The following NUDT9 variants were observed in gnomAD, a reference collection of about 807,000 sequenced individuals.
The protein encoded by NUDT9 is nudix hydrolase 9, also known as ADP-ribose pyrophosphatase.
NUDT9 carries 31 observed loss-of-function variants against 41.0 expected under a neutral mutation model. That is an observed-to-expected ratio of 0.76 (90% CI 0.57 to 1.02). NUDT9 has a LOEUF of 1.02. Among genes scored for constraint, NUDT9 ranks in the 50% least tolerant of loss-of-function variants. The pLI, the probability that NUDT9 is intolerant of heterozygous loss-of-function variation, is 0.00. For synonymous variants in NUDT9, 146 were observed against 147.6 expected, an observed-to-expected ratio of 0.99 and a Z score of 0.08; for missense variants, 380 against 431.4, an observed-to-expected ratio of 0.88 and a Z score of 1.06.
chr4:87,452,984 G>A (rs747405514), intron 6 of NUDT9, among the ~76,000 whole-genome samples: 9 of 151,370 alleles, frequency 5.9e-5, no homozygotes, highest in Non-Finnish European at 1.2e-4. Flanking sequence ...ACTAATTTTT[G>A]TATTTTTAGT....
chr4:87,454,880 A>T (rs1722919212), intron 7 of NUDT9, among the ~76,000 whole-genome samples: 1 of 152,256 alleles, frequency 6.6e-6, no homozygotes, highest in African/African-American at 2.4e-5. Context: ...GTTAATACAC[A>T]AAGCAATAAC....
rs76684788 is a variant in NUDT9, at chr4:87,441,955, A to C, written c.530+40A>C. On this transcript the variant is annotated intron_variant, in intron 4 of 7. Coordinates refer to ENST00000302174, the MANE Select transcript of NUDT9 (RefSeq NM_024047.5). Reference sequence around the variant, plus strand: ...AAAGCATATCAGTAGCAAAGAGCTAAGTGATAGAAAAATTGCAGACTGTAG... The same window carrying C: ...AAAGCATATCAGTAGCAAAGAGCTACGTGATAGAAAAATTGCAGACTGTAG... 2,701 of 1,456,254 alleles carry C rather than the reference A, an allele frequency of 1.9e-3. 67 individuals carry two copies. The East Asian group carries it at 0.047, about 25-fold the overall frequency. The allele number at this position is 1,456,254 out of a possible 1,614,324, so 90.2% of individuals were successfully genotyped here.
At chr4:87,451,841 C>A in intron 6 of NUDT9, 106 bp downstream of exon 6, 1 of 876,478 alleles carries the variant, frequency 1.1e-6, no homozygotes, top group Non-Finnish European at 1.7e-6. Flanking sequence ...AAGTGGAATA[C>A]TTGTATATTT....
chr4:87,438,153 A>C (rs1343339991), intron 2 of NUDT9, 124 bp from the exon 3 acceptor site: 3 of 486,036 alleles, frequency 6.2e-6, no homozygotes, highest in African/African-American at 4.0e-5. Context: ...AAAAAAAAAA[A>C]CTAACCCTTA....
Position 87,422,816 on chromosome 4 carries a change from C to T in NUDT9, c.-90C>T, listed in dbSNP as rs1052174886. 1 of 951,136 alleles carries T rather than the reference C, an allele frequency of 1.1e-6. No individual in the cohort carries two copies. The highest frequency in any genetic ancestry group is 1.6e-6 in the Non-Finnish European group (1 of 623,156). 58.9% of individuals were successfully genotyped at this position (951,136 alleles called of 1,614,324 possible). A position where few individuals can be genotyped will look rare whatever the true frequency, so the allele number is the denominator to read the frequency against. ...CAGGTCCTAGTGCCCATCAGATACC[C>T]GCGGCCGGGACTCGGAGCTGTGGGG... is the stretch of plus-strand genomic sequence containing the variant. On this transcript the variant is annotated 5_prime_UTR_variant, in exon 1 of 8. Coordinates refer to ENST00000302174, the MANE Select transcript of NUDT9 (RefSeq NM_024047.5).
At position 87,444,875 on chromosome 4, in the gene NUDT9, A is replaced by C. The variant is rs561987635; in HGVS notation, c.530+2960A>C. 2.2e-4 allele frequency among the ~76,000 whole-genome samples: 34 copies of C among 152,316 alleles called. No homozygotes were observed. In the South Asian group the frequency reaches 7.0e-3, roughly 32 times the overall value. ...CACAGGTGGCAGAGTCTGGCTTTCA[A>C]CTGTACTCTTAAGTTGATGTTCTTT... On this transcript the variant is annotated intron_variant, in intron 4 of 7. Transcript: ENST00000302174.
Position 87,423,013 on chromosome 4 carries a change from G to A in NUDT9, c.107+1G>A. On this transcript the variant is annotated splice_donor_variant, in intron 1 of 7. Coordinates refer to ENST00000302174, the MANE Select transcript of NUDT9 (RefSeq NM_024047.5). LOFTEE classifies it high-confidence loss of function. ...GCTGCCGCGGCATCCAGGCGTTCAG[G>A]TATTCCACCCTCCTACTACCGGCTC... The A allele has an allele frequency of 6.2e-7, 1 of 1,611,412 alleles. No homozygotes were observed. Among genetic ancestry groups the A allele is most frequent in the South Asian group, 1.1e-5 (1 of 90,774 alleles).
intron 1 of NUDT9, among the ~76,000 whole-genome samples, chr4:87,433,336 A>C (rs1453479211): frequency 1.3e-5 from 2 of 152,096 alleles, no homozygotes; most frequent in Non-Finnish European, 2.9e-5. Context: ...ACCTTTCTCT[A>C]TCTTTCATGA....
At chr4:87,424,149 A>G (rs1721289212) in intron 1 of NUDT9, among the ~76,000 whole-genome samples, 1 of 150,746 alleles carries the variant, frequency 6.6e-6, no homozygotes, top group African/African-American at 2.4e-5. Context: ...AGTGATTTCC[A>G]TGGTTATTGT....
chr4:87,425,712 G>GAAAAAA (rs70957242), intron 1 of NUDT9, among the ~76,000 whole-genome samples: 2 of 94,750 alleles, frequency 2.1e-5, no homozygotes, highest in African/African-American at 5.1e-5. Flanking sequence ...CTGTCTCTTT[G>GAAAAAA]AAAAAAAAAA....
chr4:87,457,237 T>A (rs966949807), intron 7 of NUDT9, among the ~76,000 whole-genome samples: 2 of 37,446 alleles, frequency 5.3e-5, no homozygotes, highest in Non-Finnish European at 1.5e-4. Flanking sequence ...ATAATTTAAA[T>A]TTTTTTTTTT....
chr4:87,449,064 TG>T, intron 4 of NUDT9, 77 bp from the exon 5 acceptor site: 2 of 802,844 alleles, frequency 2.5e-6, no homozygotes, highest in Non-Finnish European at 4.2e-6. Flanking sequence ...AAAAAGTCCT[TG>T]TAACTTTATC....
At chr4:87,438,987 A>C (rs548208249) in intron 3 of NUDT9, among the ~76,000 whole-genome samples, 34 of 151,640 alleles carry the variant, frequency 2.2e-4, no homozygotes, top group Admixed American at 1.4e-3. Flanking sequence ...ACCAACATGG[A>C]GAAACCCCAT....
chr4:87,437,249 CAAAAAAAAA>C (rs776722819), intron 2 of NUDT9, among the ~76,000 whole-genome samples: 3 of 55,620 alleles, frequency 5.4e-5, no homozygotes, highest in Non-Finnish European at 1.0e-4. Flanking sequence ...GACTCCATCT[CAAAAAAAAA>C]AAAAAAAAAA....
chr4:87,436,513 AT>A (rs1721945982), intron 2 of NUDT9, among the ~76,000 whole-genome samples: 1 of 151,938 alleles, frequency 6.6e-6, no homozygotes, highest in South Asian at 2.1e-4. Flanking sequence ...TTCTCACTGT[AT>A]CATCCAGTCT....
intron 1 of NUDT9, among the ~76,000 whole-genome samples, chr4:87,433,627 C>T (rs1311769162): frequency 6.6e-6 from 1 of 152,162 alleles, no homozygotes; most frequent in African/African-American, 2.4e-5. Context: ...CATAATTTTA[C>T]CATGTCCTCA....
chr4:87,449,433 C>T (rs1292793904), intron 5 of NUDT9, among the ~76,000 whole-genome samples, 180 bp downstream of exon 5: 2 of 152,314 alleles, frequency 1.3e-5, no homozygotes, highest in East Asian at 1.9e-4. Flanking sequence ...TTAGGATAAT[C>T]CAAGACTGTT....
chr4:87,437,627 C>A (rs964584210), intron 2 of NUDT9, among the ~76,000 whole-genome samples: 1 of 152,142 alleles, frequency 6.6e-6, no homozygotes, highest in Non-Finnish European at 1.5e-5. Context: ...CAGGCGTGAG[C>A]CACCATGCCT....
chr4:87,425,603 C>T (rs773094912), intron 1 of NUDT9, among the ~76,000 whole-genome samples: 18 of 150,212 alleles, frequency 1.2e-4, no homozygotes, highest in Non-Finnish European at 2.4e-4. Context: ...CCATTTTGGC[C>T]AGGCTGGTTT....
Sources: gnomAD v4.1 joint callset for allele counts (sites outside exome capture counted in the v4.1 genomes callset) on GRCh38, gnomAD v4.1.1 for gene constraint, MANE v1.5 for transcripts, NCBI Gene and HGNC (gene_info 2026-07-23, HGNC 2026-07-21) for gene names.